Variants in LRRC7 observed in about 807,000 individuals in gnomAD.
The protein encoded by LRRC7 is leucine rich repeat containing 7.
A neutral mutation model predicts 175.7 loss-of-function variants in LRRC7; 23 were observed. The ratio of observed to expected loss-of-function variants is 0.13; its 90% CI spans 0.09 to 0.19. The LOEUF (loss-of-function observed/expected upper bound fraction) is 0.19. Among genes scored for constraint, LRRC7 ranks in the 10% least tolerant of loss-of-function variants. LRRC7 has a pLI of 1.00. For synonymous variants in LRRC7, 685 were observed against 680.9 expected, an observed-to-expected ratio of 1.01 and a Z score of -0.09; for missense variants, 1,354 against 1,904.7, an observed-to-expected ratio of 0.71 and a Z score of 5.38.
chr1:70,141,936 C>T lies in LRRC7; in HGVS notation c.*20049C>T, dbSNP rs1281437708. On this transcript the variant is annotated 3_prime_UTR_variant, in exon 27 of 27. Transcript: ENST00000651989. The stretch of plus-strand genomic sequence containing the variant: ...TCAATTGACCTTTTTAATAGCTTAA[C>T]GAAAGCATTTGACAAATGGACAAAA... 3 of 151,914 alleles carry T rather than the reference C, an allele frequency of 2.0e-5. No homozygotes were observed. Among genetic ancestry groups the T allele is most frequent in the African/African-American group, 4.8e-5 (2 of 41,344 alleles). 9.4% of individuals were successfully genotyped at this position (151,914 alleles called of 1,614,324 possible).
chr1:69,908,175 G>T (rs1484327939), intron 7 of LRRC7, among the ~76,000 whole-genome samples: 3 of 151,908 alleles, frequency 2.0e-5, no homozygotes, highest in African/African-American at 7.3e-5. Context: ...AGTCTTGCTA[G>T]CGGTCTATCA....
intron 1 of LRRC7, among the ~76,000 whole-genome samples, chr1:69,648,017 A>T (rs1655249018): frequency 6.6e-6 from 1 of 152,160 alleles, no homozygotes; most frequent in South Asian, 2.1e-4. Context: ...TTATCTAGTA[A>T]TCCTTTTTTT....
intron 17 of LRRC7, among the ~76,000 whole-genome samples, chr1:70,025,059 C>A (rs1233257633): frequency 2.0e-5 from 3 of 152,006 alleles, no homozygotes; most frequent in Non-Finnish European, 4.4e-5. Flanking sequence ...ACTTGTGTAG[C>A]ATAAGCACTG....
At chr1:69,944,671 T>C (rs896484429) in intron 8 of LRRC7, among the ~76,000 whole-genome samples, 7 of 152,048 alleles carry the variant, frequency 4.6e-5, no homozygotes, top group African/African-American at 1.4e-4. Flanking sequence ...CCAACACTTA[T>C]TATTTTGGTT....
intron 26 of LRRC7, among the ~76,000 whole-genome samples, chr1:70,112,340 T>C (rs547562758): frequency 6.6e-6 from 1 of 152,308 alleles, no homozygotes; most frequent in Admixed American, 6.5e-5. Flanking sequence ...TTATCATTGC[T>C]CTGTTCTATA....
intron 7 of LRRC7, among the ~76,000 whole-genome samples, chr1:69,902,710 C>T (rs143123442): frequency 0.015 from 2,252 of 152,294 alleles, 32 homozygotes; most frequent in South Asian, 0.031. Flanking sequence ...ACTTTTCTTG[C>T]TCTTTGAGCA....
At chr1:69,691,797 C>CAAAAAAAAAAAAAAAAAAAAAAAAAA (rs57676937) in intron 2 of LRRC7, among the ~76,000 whole-genome samples, 1 of 85,214 alleles carries the variant, frequency 1.2e-5, no homozygotes, top group Non-Finnish European at 2.1e-5. Context: ...GACCCTGTCT[C>CAAAAAAAAAAAAAAAAAAAAAAAAAA]AAAAAAAAAA....
At chr1:70,112,930 G>T (rs2102225872) in intron 26 of LRRC7, among the ~76,000 whole-genome samples, 1 of 152,248 alleles carries the variant, frequency 6.6e-6, no homozygotes, top group South Asian at 2.1e-4. Flanking sequence ...GAAGACCCCA[G>T]ACTCGTGTGT....
chr1:70,048,354 A>G (rs1660494244), intron 22 of LRRC7, among the ~76,000 whole-genome samples: 1 of 152,100 alleles, frequency 6.6e-6, no homozygotes, highest in Non-Finnish European at 1.5e-5. Flanking sequence ...TGTATAGATG[A>G]GGAAACTGAG....
chr1:69,861,755 G>GA (rs1166967871), intron 7 of LRRC7, among the ~76,000 whole-genome samples: 2 of 152,166 alleles, frequency 1.3e-5, no homozygotes, highest in African/African-American at 4.8e-5. Flanking sequence ...GGCTAATGGA[G>GA]AATCTTAATT....
intron 2 of LRRC7, 38 bp from the exon 3 acceptor site, chr1:69,760,153 A>G (rs1403794082): frequency 6.3e-7 from 1 of 1,598,188 alleles, no homozygotes; most frequent in Non-Finnish European, 8.6e-7. Flanking sequence ...GGCACTGGAT[A>G]AGCTGTTTTG....
intron 2 of LRRC7, among the ~76,000 whole-genome samples, chr1:69,717,853 G>GGAAAGAAAGAAAGAAAGAAAGAAA (rs144400631): frequency 4.5e-4 from 7 of 15,632 alleles, no homozygotes; most frequent in African/African-American, 2.9e-3. Flanking sequence ...AAGAAAGAAA[G>GGAAAGAAAGAAAGAAAGAAAGAAA]GAAAGAAAGA....
intron 11 of LRRC7, among the ~76,000 whole-genome samples, chr1:69,999,381 C>G (rs947349803): frequency 2.6e-5 from 4 of 152,118 alleles, no homozygotes; most frequent in Non-Finnish European, 4.4e-5. Context: ...GAAAGCTGCT[C>G]ATTCTCATTA....
intron 7 of LRRC7, among the ~76,000 whole-genome samples, chr1:69,841,553 G>T (rs985973361): frequency 7.9e-5 from 12 of 152,086 alleles, no homozygotes; most frequent in African/African-American, 2.7e-4. Flanking sequence ...ATCAGATGCA[G>T]AAGGCCGATG....
intron 23 of LRRC7, among the ~76,000 whole-genome samples, chr1:70,067,637 G>A (rs1386395776): frequency 6.6e-6 from 1 of 151,910 alleles, no homozygotes; most frequent in Non-Finnish European, 1.5e-5. Context: ...TGAATTTTAG[G>A]ATAATCATAT....
chr1:69,570,772 ATAGGGATG>A (rs1181925581), intron 1 of LRRC7, among the ~76,000 whole-genome samples: 5 of 152,150 alleles, frequency 3.3e-5, no homozygotes, highest in Non-Finnish European at 7.3e-5. Flanking sequence ...AAATGAGCAA[ATAGGGATG>A]TAGGAATGAT....
At chr1:69,982,511 T>C (rs1030751613) in intron 9 of LRRC7, among the ~76,000 whole-genome samples, 1 of 152,214 alleles carries the variant, frequency 6.6e-6, no homozygotes, top group Non-Finnish European at 1.5e-5. Flanking sequence ...AGCACATTCA[T>C]TTTTTTCTTA....
chr1:69,905,547 G>A lies in LRRC7; in HGVS notation c.648-25960G>A, dbSNP rs186018015. Among the ~76,000 whole-genome samples, 73 of 152,134 alleles carry A rather than the reference G, an allele frequency of 4.8e-4. 2 individuals are homozygous for A. The highest frequency in any genetic ancestry group is 1.6e-3 in the African/African-American group (65 of 41,494). On this transcript the variant is annotated intron_variant, in intron 7 of 26. Coordinates refer to ENST00000651989, the MANE Select transcript of LRRC7 (RefSeq NM_001370785.2). ...CTTGCGAGAGTTTGCTGAAAATGAT[G>A]GTTTCCAGTTTCATCCATGTCTGTA...
intron 25 of LRRC7, among the ~76,000 whole-genome samples, chr1:70,105,113 A>G (rs961399119): frequency 2.6e-5 from 4 of 152,174 alleles, no homozygotes; most frequent in African/African-American, 9.6e-5. Flanking sequence ...AAATGATGGA[A>G]GATGAGAGCT....
Sources: allele counts gnomAD v4.1 joint callset (sites outside exome capture counted in the v4.1 genomes callset), GRCh38; gene constraint gnomAD v4.1.1; transcripts MANE v1.5; gene names NCBI Gene and HGNC (gene_info 2026-07-23, HGNC 2026-07-21).